ERC1: variants seen among roughly 807,000 people sequenced by gnomAD.
The protein encoded by ERC1 is RAB6 interacting protein 2.
A neutral mutation model predicts 132.0 loss-of-function variants in ERC1; 56 were observed. That is an observed-to-expected ratio of 0.42 (90% CI 0.34 to 0.53). The LOEUF is 0.53. Ranked by LOEUF, ERC1 falls within the 20% of genes least tolerant of loss-of-function variation. The pLI, the probability that ERC1 is intolerant of heterozygous loss-of-function variation, is 0.03. For missense variants in ERC1, 1,202 were observed against 1,349.9 expected (o/e 0.89, Z 1.72); for synonymous variants, 478 against 476.1 (o/e 1.00, Z -0.05).
chr12:1,298,590 A>G lies in ERC1; in HGVS notation c.2780+8578A>G, dbSNP rs577205251. The stretch of plus-strand genomic sequence containing the variant: ...CAAAGAAAAAGCACCTGAAGAGCTA[A>G]CAGAGGAAATAAAATGCAATGCTAA... On this transcript the variant is annotated intron_variant, in intron 15 of 18. Coordinates refer to ENST00000360905, the MANE Select transcript of ERC1 (RefSeq NM_178040.4). Among the ~76,000 whole-genome samples the G allele has an allele frequency of 7.5e-4, 114 of 151,932 alleles. 1 individual carries two copies. Among genetic ancestry groups the G allele is most frequent in the African/African-American group, 2.6e-3 (109 of 41,484 alleles).
intron 13 of ERC1, 98 bp from the exon 14 acceptor site, chr12:1,262,935 GA>G: frequency 8.1e-7 from 1 of 1,232,812 alleles, no homozygotes; most frequent in Non-Finnish European, 1.1e-6. Context: ...GCTTCTGATG[GA>G]AAGAACATTT....
intron 2 of ERC1, among the ~76,000 whole-genome samples, chr12:1,054,357 A>G (rs1972555616): frequency 6.6e-6 from 1 of 152,132 alleles, no homozygotes. Context: ...GCCCTTGTTT[A>G]GGAACTGTGT....
At chr12:1,278,352 T>C (rs1273051597) in intron 14 of ERC1, among the ~76,000 whole-genome samples, 4 of 152,238 alleles carry the variant, frequency 2.6e-5, no homozygotes, top group Non-Finnish European at 5.9e-5. Flanking sequence ...CCCAGCACTC[T>C]GCATTTTGAT....
chr12:1,376,917 A>G (rs1008301936), intron 16 of ERC1, among the ~76,000 whole-genome samples: 4 of 152,192 alleles, frequency 2.6e-5, no homozygotes, highest in Admixed American at 6.5e-5. Flanking sequence ...ACCTTTCGGT[A>G]CACGCGGTCT....
intron 12 of ERC1, among the ~76,000 whole-genome samples, chr12:1,224,779 G>T (rs2074421568): frequency 6.6e-6 from 1 of 151,864 alleles, no homozygotes; most frequent in African/African-American, 2.4e-5. Context: ...CCAGGAGTTT[G>T]AGACCAGCCT....
intron 17 of ERC1, among the ~76,000 whole-genome samples, chr12:1,435,449 CA>C (rs2092922672): frequency 1.3e-5 from 2 of 152,130 alleles, no homozygotes; most frequent in South Asian, 4.1e-4. Flanking sequence ...CCTGAAAAAC[CA>C]GCTTTATTTT....
rs928011347 is a variant in ERC1 at position 1,181,910 on chromosome 12, A to G, written c.1876-15A>G. The G allele has an allele frequency of 3.1e-6, 5 of 1,604,036 alleles. No homozygotes were observed. The highest frequency in any genetic ancestry group is 4.3e-6 in the Non-Finnish European group (5 of 1,175,486). ...AAAGGGAATTTCTTCACATGTTGATATATTCTCTCATCAGGAGCGGACAAT... is the reference window on the plus strand; with the variant it reads ...AAAGGGAATTTCTTCACATGTTGATGTATTCTCTCATCAGGAGCGGACAAT... On this transcript the variant is annotated splice_polypyrimidine_tract_variant and intron_variant, in intron 9 of 18. Transcript: ENST00000360905.
At chr12:1,154,204 T>A (rs1048608958) in intron 8 of ERC1, among the ~76,000 whole-genome samples, 1 of 148,252 alleles carries the variant, frequency 6.7e-6, no homozygotes, top group African/African-American at 2.6e-5. Context: ...TATTCCATGG[T>A]GTGTGTGTGT....
chr12:1,322,212 T>G (rs1008628341), intron 15 of ERC1, among the ~76,000 whole-genome samples: 10 of 143,230 alleles, frequency 7.0e-5, no homozygotes, highest in African/African-American at 2.6e-4. Context: ...AATAACTAAT[T>G]CATAAGAATG....
intron 7 of ERC1, among the ~76,000 whole-genome samples, chr12:1,123,560 C>G (rs1037041497): frequency 6.6e-5 from 10 of 152,154 alleles, no homozygotes; most frequent in African/African-American, 2.4e-4. Flanking sequence ...GGAAAATAGG[C>G]CTTCCCAAAT....
intron 12 of ERC1, among the ~76,000 whole-genome samples, chr12:1,206,730 A>G (rs983578431): frequency 6.6e-6 from 1 of 152,158 alleles, no homozygotes; most frequent in Non-Finnish European, 1.5e-5. Flanking sequence ...GATGAGAGCT[A>G]TAAATGTCAT....
chr12:1,441,971 T>A (rs7965182), intron 17 of ERC1, among the ~76,000 whole-genome samples: 24,973 of 152,150 alleles, frequency 0.16, 4,051 homozygotes, highest in African/African-American at 0.43. Context: ...TCTGTCGCCC[T>A]GGCTGGAGTG....
intron 13 of ERC1, among the ~76,000 whole-genome samples, chr12:1,240,007 A>G (rs2075688799): frequency 6.6e-6 from 1 of 152,232 alleles, no homozygotes; most frequent in Admixed American, 6.5e-5. Context: ...ACTGCGCTAT[A>G]GCATCATGCG....
intron 1 of ERC1, among the ~76,000 whole-genome samples, chr12:1,007,020 A>T (rs149888670): frequency 6.6e-6 from 1 of 151,412 alleles, no homozygotes; most frequent in Non-Finnish European, 1.5e-5. Context: ...TATATATATG[A>T]CTCTGTATTG....
At chr12:1,161,339 G>C (rs1951869357) in intron 8 of ERC1, among the ~76,000 whole-genome samples, 1 of 152,170 alleles carries the variant, frequency 6.6e-6, no homozygotes, top group Non-Finnish European at 1.5e-5. Flanking sequence ...TCTAAGCCTG[G>C]AGAGTGGTGT....
chr12:1,183,540 T>A (rs1226469521), intron 11 of ERC1, 119 bp downstream of exon 11: 1 of 534,600 alleles, frequency 1.9e-6, no homozygotes, highest in African/African-American at 1.9e-5. Flanking sequence ...AACTTTAAAA[T>A]ACCATGTATA....
Position 1,181,908 on chromosome 12 carries a change from A to T in ERC1, c.1876-17A>T, listed in dbSNP as rs373122050. 3.1e-5 allele frequency: 50 copies of T among 1,603,238 alleles called. No homozygotes were observed. In the African/African-American group the frequency reaches 6.3e-4, roughly 20 times the overall value. On this transcript the variant is annotated splice_polypyrimidine_tract_variant and intron_variant, in intron 9 of 18. Coordinates refer to ENST00000360905, the MANE Select transcript of ERC1 (RefSeq NM_178040.4). ...CAAAAGGGAATTTCTTCACATGTTG[A>T]TATATTCTCTCATCAGGAGCGGACA...
intron 15 of ERC1, among the ~76,000 whole-genome samples, chr12:1,293,310 A>G (rs1458607268): frequency 2.7e-5 from 4 of 148,818 alleles, no homozygotes; most frequent in South Asian, 2.2e-4. Flanking sequence ...AACATTAGCC[A>G]GGCGTGGTGG....
intron 18 of ERC1, among the ~76,000 whole-genome samples, chr12:1,458,946 G>C (rs2154419958): frequency 1.3e-5 from 2 of 152,356 alleles, no homozygotes; most frequent in South Asian, 4.1e-4. Context: ...AAATGACTGA[G>C]TCTAGGGCTG....
Sources: gnomAD v4.1 joint callset for allele counts (sites outside exome capture counted in the v4.1 genomes callset) on GRCh38, gnomAD v4.1.1 for gene constraint, MANE v1.5 for transcripts, NCBI Gene and HGNC (gene_info 2026-07-23, HGNC 2026-07-21) for gene names.